The following CERS3 variants were observed in gnomAD, a reference collection of about 807,000 sequenced individuals.
CERS3 encodes ceramide synthase 3.
CERS3 carries 33 observed loss-of-function variants against 50.3 expected under a neutral mutation model. The observed-to-expected ratio is 0.66, with a 90% CI of 0.50 to 0.88. The LOEUF is 0.88. Among genes scored for constraint, CERS3 ranks in the 40% least tolerant of loss-of-function variants. The pLI, the probability that CERS3 is intolerant of heterozygous loss-of-function variation, is 0.00. For missense variants in CERS3, 470 were observed against 460.3 expected, an observed-to-expected ratio of 1.02 and a Z score of -0.19; for synonymous variants, 176 against 155.2, an observed-to-expected ratio of 1.13 and a Z score of -0.99.
chr15:100,439,885 G>T (rs569615218), intron 11 of CERS3, among the ~76,000 whole-genome samples: 60 of 152,286 alleles, frequency 3.9e-4, no homozygotes, highest in Admixed American at 5.2e-4. Flanking sequence ...CTTCTCCAAA[G>T]GACAACATGA....
chr15:100,449,811 T>C (rs1345406612), intron 11 of CERS3, among the ~76,000 whole-genome samples: 1 of 151,644 alleles, frequency 6.6e-6, no homozygotes, highest in African/African-American at 2.4e-5. Flanking sequence ...TAGATATCAA[T>C]TTAAGGACAC....
At chr15:100,501,874 A>C (rs908311658) in intron 2 of CERS3, 24 bp from the exon 3 acceptor site, 11 of 1,609,378 alleles carry the variant, frequency 6.8e-6, no homozygotes, top group Non-Finnish European at 9.3e-6. Context: ...AACAGACATT[A>C]GGCTTGTAAA....
chr15:100,449,770 A>C (rs2034084998), intron 11 of CERS3, among the ~76,000 whole-genome samples: 1 of 152,228 alleles, frequency 6.6e-6, no homozygotes, highest in South Asian at 2.1e-4. Context: ...AATTTTAAAA[A>C]ATGTAAGAAG....
chr15:100,466,202 C>A (rs949134226), intron 10 of CERS3, among the ~76,000 whole-genome samples: 1 of 152,060 alleles, frequency 6.6e-6, no homozygotes, highest in African/African-American at 2.4e-5. Context: ...AGCGCACTAC[C>A]CCGACAATCA....
intron 3 of CERS3, among the ~76,000 whole-genome samples, chr15:100,498,500 A>C (rs2035900797): frequency 1.3e-5 from 2 of 152,180 alleles, no homozygotes; most frequent in Admixed American, 6.5e-5. Context: ...AGAAAAAAAA[A>C]GTCTGAGAGG....
intron 11 of CERS3, among the ~76,000 whole-genome samples, chr15:100,424,189 C>T (rs1298880140): frequency 2.6e-5 from 4 of 152,158 alleles, no homozygotes; most frequent in Non-Finnish European, 5.9e-5. Context: ...GATTTGTCTG[C>T]CTTGGCCTCC....
intron 5 of CERS3, among the ~76,000 whole-genome samples, chr15:100,480,912 A>C (rs1259497142): frequency 1.3e-5 from 2 of 152,188 alleles, no homozygotes; most frequent in African/African-American, 4.8e-5. Flanking sequence ...GATCAACTAA[A>C]GCTGGTGATG....
intron 3 of CERS3, among the ~76,000 whole-genome samples, chr15:100,491,946 C>T (rs1356347926): frequency 6.6e-6 from 1 of 151,054 alleles, no homozygotes; most frequent in Non-Finnish European, 1.5e-5. Context: ...GGCTGGTCTC[C>T]AACTCCTAGT....
chr15:100,525,517 TATG>T (rs1270925070), intron 1 of CERS3, among the ~76,000 whole-genome samples: 5 of 152,228 alleles, frequency 3.3e-5, no homozygotes, highest in African/African-American at 9.6e-5. Flanking sequence ...GCCTTGAAAT[TATG>T]ATAATAACAA....
chr15:100,491,893 CTT>C (rs35370636), intron 3 of CERS3, among the ~76,000 whole-genome samples: 195 of 146,038 alleles, frequency 1.3e-3, no homozygotes, highest in Middle Eastern at 3.4e-3. Context: ...TTATTGATTT[CTT>C]TTTTTTTTTT....
At chr15:100,522,817 G>T (rs1322994860) in intron 1 of CERS3, among the ~76,000 whole-genome samples, 2 of 152,154 alleles carry the variant, frequency 1.3e-5, no homozygotes, top group Non-Finnish European at 2.9e-5. Context: ...AGGTAAATAC[G>T]TGAATGCATT....
intron 11 of CERS3, among the ~76,000 whole-genome samples, chr15:100,444,897 A>T (rs1168272034): frequency 1.3e-5 from 2 of 152,182 alleles, no homozygotes; most frequent in Non-Finnish European, 2.9e-5. Flanking sequence ...ACCTCTATAT[A>T]GTCCAATAGC....
chr15:100,447,496 C>T (rs1303267757), intron 11 of CERS3, among the ~76,000 whole-genome samples: 1 of 152,180 alleles, frequency 6.6e-6, no homozygotes, highest in African/African-American at 2.4e-5. Context: ...CTCAGGATCT[C>T]CTGCGGCTGT....
At chr15:100,477,414 G>C (rs2035164461) in intron 7 of CERS3, among the ~76,000 whole-genome samples, 1 of 151,702 alleles carries the variant, frequency 6.6e-6, no homozygotes. Context: ...TCTATGACAG[G>C]ACTATATGAG....
intron 10 of CERS3, among the ~76,000 whole-genome samples, chr15:100,460,738 C>T (rs989304): frequency 0.46 from 69,880 of 152,054 alleles, 16,970 homozygotes; most frequent in Non-Finnish European, 0.54. Context: ...AGGGCCTTGC[C>T]CCTTACTAGG....
At chr15:100,426,095 A>G (rs1469346759) in intron 11 of CERS3, 1 of 152,324 alleles carries the variant, frequency 6.6e-6, no homozygotes, top group Non-Finnish European at 1.5e-5. Flanking sequence ...TGAGTCAATT[A>G]AACCTATTTT....
In CERS3 at chr15:100,467,844, T is replaced by TAG. The variant is rs1201025093; in HGVS notation, c.845+1533_845+1534insCT. Among the ~76,000 whole-genome samples, 273 of 78,566 alleles carry TAG rather than the reference T, an allele frequency of 3.5e-3. 5 individuals are homozygous for TAG. The highest frequency in any genetic ancestry group is 0.019 in the Middle Eastern group (3 of 154). The allele number at this position is 78,566 out of a possible 152,430, so 51.5% of individuals were successfully genotyped here. ...ATGTGTATATATATACGTGTATATA[T>TAG]ATATATATAGATAGATAGATAGATA... On this transcript the variant is annotated intron_variant, in intron 10 of 11. Coordinates refer to ENST00000679737, the MANE Select transcript of CERS3 (RefSeq NM_001378789.1).
At chr15:100,471,205 C>T (rs772124948) in intron 9 of CERS3, among the ~76,000 whole-genome samples, 6 of 152,198 alleles carry the variant, frequency 3.9e-5, no homozygotes, top group Admixed American at 2.0e-4. Context: ...GAGGGAACCT[C>T]TAAGATTGGA....
intron 10 of CERS3, among the ~76,000 whole-genome samples, chr15:100,456,684 T>C (rs1018105641): frequency 2.6e-5 from 4 of 152,212 alleles, no homozygotes; most frequent in African/African-American, 9.6e-5. Context: ...TGGTGGCTCA[T>C]GCCTGTAATA....
Sources: allele counts gnomAD v4.1 joint callset (sites outside exome capture counted in the v4.1 genomes callset), GRCh38; gene constraint gnomAD v4.1.1; transcripts MANE v1.5; gene names NCBI Gene and HGNC (gene_info 2026-07-23, HGNC 2026-07-21).